Variants in COL12A1 observed in about 807,000 individuals in gnomAD.
COL12A1 encodes the protein collagen type XII alpha 1 chain, also known as collagen alpha-1(XII) chain.
COL12A1 carries 114 observed loss-of-function variants against 349.7 expected under a neutral mutation model. The observed-to-expected ratio is 0.33, with a 90% CI of 0.28 to 0.38. COL12A1 has a LOEUF of 0.38. Among genes scored for constraint, COL12A1 ranks in the 10% least tolerant of loss-of-function variants. The probability of loss-of-function intolerance (pLI) is 1.00; values close to 1 mark genes in which losing one functional copy is unlikely to be tolerated. For missense variants in COL12A1, 3,284 were observed against 3,756.9 expected, an observed-to-expected ratio of 0.87 and a Z score of 3.29; for synonymous variants, 1,369 against 1,329.0, an observed-to-expected ratio of 1.03 and a Z score of -0.66.
intron 60 of COL12A1, among the ~76,000 whole-genome samples, chr6:75,092,923 G>A (rs980570676): frequency 6.6e-6 from 1 of 152,110 alleles, no homozygotes; most frequent in Non-Finnish European, 1.5e-5. Context: ...CAGACCTGTT[G>A]GATGTTCCTT....
intron 34 of COL12A1, 100 bp from the exon 35 acceptor site, chr6:75,132,182 T>G: frequency 7.1e-7 from 1 of 1,407,800 alleles, no homozygotes; most frequent in Non-Finnish European, 9.7e-7. Flanking sequence ...CAGGATAAAA[T>G]GCTATCTTCT....
chr6:75,203,135 G>A (rs1453362285), intron 1 of COL12A1, among the ~76,000 whole-genome samples: 2 of 152,150 alleles, frequency 1.3e-5, no homozygotes, highest in African/African-American at 2.4e-5. Context: ...CCTGGGTAAT[G>A]GCTAATTCAG....
At chr6:75,170,155 C>T (rs1441812790) in intron 13 of COL12A1, among the ~76,000 whole-genome samples, 1 of 152,122 alleles carries the variant, frequency 6.6e-6, no homozygotes, top group Admixed American at 6.5e-5. Flanking sequence ...TCATCCAATT[C>T]AAATATAATT....
rs201511621 is a variant in COL12A1 at position 75,183,198 on chromosome 6, G to A, written c.1743C>T (p.Arg581=). The A allele has an allele frequency of 3.7e-5, 59 of 1,614,168 alleles. No individual in the cohort carries two copies. Among genetic ancestry groups the A allele is most frequent in the South Asian group, 5.5e-5 (5 of 91,078 alleles). Residue 581 remains arginine (R), a synonymous_variant, in exon 10 of 66, where the codon CGC becomes CGT. Transcript: ENST00000322507. ...IFAVGVKDAV[R]SELEAIASPP... ...GAGAGGCAATAGCTTCCAATTCTGA[G>A]CGAACGGCATCCTTCACACCAACTG... is the stretch of plus-strand genomic sequence containing the variant.
rs1389854193 is a variant in COL12A1, at chr6:75,101,654, C to T, written c.8470-1G>A. 1 of 1,613,338 alleles carries T rather than the reference C, an allele frequency of 6.2e-7. No homozygotes were observed. The highest frequency in any genetic ancestry group is 8.5e-7 in the Non-Finnish European group (1 of 1,179,718). ...GTGGGCCAGGTAATCCTGGGGTTCC[C>T]TGCACAGAAGGAAACAAACAAGTGA... On this transcript the variant is annotated splice_acceptor_variant, in intron 57 of 65. Coordinates refer to ENST00000322507, the MANE Select transcript of COL12A1 (RefSeq NM_004370.6). LOFTEE classifies it high-confidence loss of function.
chr6:75,148,801 C>A (rs1384555031), intron 21 of COL12A1, among the ~76,000 whole-genome samples: 1 of 152,060 alleles, frequency 6.6e-6, no homozygotes, highest in Non-Finnish European at 1.5e-5. Flanking sequence ...GACTCAAGAC[C>A]CGATATGGTT....
chr6:75,093,052 C>T (rs1767848504), intron 60 of COL12A1, among the ~76,000 whole-genome samples: 1 of 152,184 alleles, frequency 6.6e-6, no homozygotes, highest in South Asian at 2.1e-4. Flanking sequence ...GTCACCTTGT[C>T]AGAGAGGTTC....
At chr6:75,130,771 C>T in intron 36 of COL12A1, 81 bp downstream of exon 36, 1 of 1,560,382 alleles carries the variant, frequency 6.4e-7, no homozygotes, top group Non-Finnish European at 8.7e-7. Context: ...TCACCACCCC[C>T]CTCCCACCAC....
At chr6:75,093,623 CTATT>C (rs1478482187) in intron 60 of COL12A1, among the ~76,000 whole-genome samples, 6 of 152,224 alleles carry the variant, frequency 3.9e-5, no homozygotes, top group African/African-American at 1.4e-4. Flanking sequence ...CTAGAGTTAT[CTATT>C]TCTTTGCCAA....
At chr6:75,197,318 T>C (rs113557366) in intron 2 of COL12A1, among the ~76,000 whole-genome samples, 9 of 21,666 alleles carry the variant, frequency 4.2e-4, no homozygotes, top group African/African-American at 4.8e-4. Flanking sequence ...CTTTTCTTTT[T>C]TTTTTTTTTT....
In COL12A1 at chr6:75,124,342, A is replaced by G; in HGVS notation, c.6637T>C (p.Tyr2213His). 1.2e-6 allele frequency: 2 copies of G among 1,612,682 alleles called. No homozygotes were observed. The highest frequency in any genetic ancestry group is 2.2e-5 in the South Asian group (2 of 90,834). The change falls in exon 41 of 66, where the codon TAC becomes CAC. Residue 2213 changes from tyrosine (Y) to histidine (H), a missense_variant. By Grantham distance (83) the Tyr-to-His change is moderately conservative. Coordinates refer to ENST00000322507, the MANE Select transcript of COL12A1 (RefSeq NM_004370.6). ...CAGAATGTATCCCACCCAATCTGGT[A>G]AGTTTTCAGATCTGTTACATTTAAA... The part of the protein sequence containing the change: ...LYLNVTDLKT[Y>H]QIGWDTFCVK...
chr6:75,171,947 T>C (rs1582173119), intron 13 of COL12A1, among the ~76,000 whole-genome samples: 1 of 152,252 alleles, frequency 6.6e-6, no homozygotes, highest in Non-Finnish European at 1.5e-5. Flanking sequence ...TAAAGCACTT[T>C]AGCATAAATG....
At chr6:75,097,979 A>G (rs1373909640) in intron 58 of COL12A1, among the ~76,000 whole-genome samples, 2 of 152,214 alleles carry the variant, frequency 1.3e-5, no homozygotes, top group Non-Finnish European at 2.9e-5. Flanking sequence ...TAGAATATTT[A>G]TAATATGTAC....
intron 13 of COL12A1, among the ~76,000 whole-genome samples, chr6:75,173,731 T>C (rs1259933462): frequency 6.6e-6 from 1 of 152,168 alleles, no homozygotes; most frequent in Non-Finnish European, 1.5e-5. Context: ...TCTTAACCCT[T>C]GAAGTTTCTA....
rs188378404 is a variant in COL12A1 at position 75,137,946 on chromosome 6, A to T, written c.5252-367T>A. ...TCTCTCTCTCTCCTCCACGTGAGAGAGTGAGAAAATGAGAGAGACCGAGAA... is the reference window on the plus strand; with the variant it reads ...TCTCTCTCTCTCCTCCACGTGAGAGTGTGAGAAAATGAGAGAGACCGAGAA... On this transcript the variant is annotated intron_variant, in intron 30 of 65. Coordinates refer to ENST00000322507, the MANE Select transcript of COL12A1 (RefSeq NM_004370.6). 2.8e-3 allele frequency among the ~76,000 whole-genome samples: 427 copies of T among 152,106 alleles called. 2 individuals carry two copies. The highest frequency in any genetic ancestry group is 9.8e-3 in the African/African-American group (408 of 41,508).
At chr6:75,178,968 T>C (rs1292540660) in intron 11 of COL12A1, among the ~76,000 whole-genome samples, 1 of 152,176 alleles carries the variant, frequency 6.6e-6, no homozygotes, top group African/African-American at 2.4e-5. Context: ...GCAGATAGAC[T>C]GATGGGTTGG....
At chr6:75,104,088 T>C (rs1171062005) in intron 54 of COL12A1, among the ~76,000 whole-genome samples, 1 of 152,200 alleles carries the variant, frequency 6.6e-6, no homozygotes, top group African/African-American at 2.4e-5. Flanking sequence ...ACTACTTGTG[T>C]ACAATAAAGA....
intron 27 of COL12A1, among the ~76,000 whole-genome samples, chr6:75,140,257 C>A (rs997960126): frequency 2.0e-5 from 3 of 152,154 alleles, no homozygotes; most frequent in Admixed American, 2.0e-4. Flanking sequence ...ATGACCCTTA[C>A]AAGGTAAGAA....
intron 32 of COL12A1, among the ~76,000 whole-genome samples, chr6:75,134,429 G>T (rs1201673805): frequency 6.6e-6 from 1 of 151,828 alleles, no homozygotes; most frequent in Non-Finnish European, 1.5e-5. Context: ...AAATTAGCCG[G>T]GTGTGGTGGT....
Sources: allele counts gnomAD v4.1 joint callset (sites outside exome capture counted in the v4.1 genomes callset), GRCh38; gene constraint gnomAD v4.1.1; transcripts MANE v1.5; gene names NCBI Gene and HGNC (gene_info 2026-07-23, HGNC 2026-07-21).